Variants in KLRG1 observed in about 807,000 individuals in gnomAD.
KLRG1 encodes killer cell lectin like receptor G1, also known as killer cell lectin-like receptor subfamily G member 1.
KLRG1 carries 16 observed loss-of-function variants against 21.8 expected under a neutral mutation model. That is an observed-to-expected ratio of 0.73 (90% confidence interval 0.50 to 1.11). KLRG1 has a LOEUF of 1.11. KLRG1 is among the 50% of genes most tolerant of loss of function. The probability of loss-of-function intolerance (pLI) is 0.00; values close to 1 mark genes in which losing one functional copy is unlikely to be tolerated. For synonymous variants in KLRG1, 69 were observed against 75.9 expected (o/e 0.91, Z 0.47); for missense variants, 173 against 218.3 (o/e 0.79, Z 1.31).
the KLRG1 span, among the ~76,000 whole-genome samples, chr12:9,209,181 C>A: frequency 2.0e-5 from 3 of 152,086 alleles, no homozygotes; most frequent in Non-Finnish European, 4.4e-5. Context: ...TATAAACCAC[C>A]AGCAGATTTA....
the KLRG1 span, among the ~76,000 whole-genome samples, chr12:9,081,125 A>G: frequency 1.3e-5 from 2 of 152,222 alleles, no homozygotes; most frequent in African/African-American, 2.4e-5. Flanking sequence ...TATCTGCAAC[A>G]TATTCAACAG....
At chr12:9,009,337 G>T in intron 4 of KLRG1, 89 bp from the exon 5 acceptor site, 1 of 1,522,428 alleles carries the variant, frequency 6.6e-7, no homozygotes, top group African/African-American at 1.4e-5. Context: ...TAGGGAGACA[G>T]AATTTGCTTC....
the KLRG1 span, among the ~76,000 whole-genome samples, chr12:9,145,104 G>T: frequency 1.3e-5 from 2 of 152,218 alleles, no homozygotes; most frequent in East Asian, 1.9e-4. Context: ...ATATATTTGG[G>T]TCTGTTTTTT....
the KLRG1 span, chr12:9,090,224 G>T: frequency 1.4e-6 from 2 of 1,454,622 alleles, no homozygotes; most frequent in Non-Finnish European, 1.9e-6. Flanking sequence ...AGGCATCTTA[G>T]AATAAAAGGC....
chr12:9,027,491 T>C, the KLRG1 span: 3 of 1,004,306 alleles, frequency 3.0e-6, no homozygotes, highest in East Asian at 8.1e-5. Context: ...CTGCCACTTC[T>C]CTGGCTCTCT....
intron 2 of KLRG1, among the ~76,000 whole-genome samples, chr12:8,993,959 G>A (rs1244310440): frequency 6.6e-6 from 1 of 152,174 alleles, no homozygotes; most frequent in East Asian, 1.9e-4. Flanking sequence ...TGCTTATGGC[G>A]AGTTTATGCA....
the KLRG1 span, among the ~76,000 whole-genome samples, chr12:9,088,686 A>G: frequency 3.7e-4 from 56 of 152,154 alleles, no homozygotes; most frequent in Admixed American, 3.7e-3. Flanking sequence ...AAGTTTCTTC[A>G]GTTCCTTCTC....
chr12:9,067,793 C>T, the KLRG1 span: 4 of 1,611,264 alleles, frequency 2.5e-6, no homozygotes, highest in Non-Finnish European at 3.4e-6. Flanking sequence ...GAACAGGACT[C>T]CAGCAAAGCA....
At chr12:9,071,877 G>GT in the KLRG1 span, among the ~76,000 whole-genome samples, 149 of 152,254 alleles carry the variant, frequency 9.8e-4, no homozygotes, top group East Asian at 4.6e-3. Context: ...TGGAGAGAGA[G>GT]TTTTTTATCA....
the KLRG1 span, among the ~76,000 whole-genome samples, chr12:9,132,517 T>G: frequency 6.6e-6 from 1 of 151,964 alleles, no homozygotes; most frequent in Non-Finnish European, 1.5e-5. Context: ...GATAATGAAG[T>G]GAGTTAGGCA....
the KLRG1 span, chr12:9,162,709 A>C: frequency 7.7e-7 from 1 of 1,297,634 alleles, no homozygotes; most frequent in Non-Finnish European, 1.1e-6. Flanking sequence ...AGAGAACCAC[A>C]TGGATTCCTT....
At chr12:9,098,812 T>C in the KLRG1 span, 1 of 1,580,644 alleles carries the variant, frequency 6.3e-7, no homozygotes, top group Non-Finnish European at 8.6e-7. Context: ...ACCCATGCAT[T>C]CACTCGCATT....
intron 1 of KLRG1, among the ~76,000 whole-genome samples, chr12:8,974,971 C>T (rs138175572): frequency 0.018 from 2,714 of 152,064 alleles, 76 homozygotes; most frequent in African/African-American, 0.061. Flanking sequence ...TCTAGGCTCA[C>T]TGCAACCTCT....
At chr12:9,192,640 C>G in the KLRG1 span, 1 of 1,614,108 alleles carries the variant, frequency 6.2e-7, no homozygotes, top group Non-Finnish European at 8.5e-7. Context: ...ATGTAACTTC[C>G]ACTTAAGGAG....
At chr12:9,124,527 G>A in the KLRG1 span, among the ~76,000 whole-genome samples, 1 of 152,244 alleles carries the variant, frequency 6.6e-6, no homozygotes, top group Non-Finnish European at 1.5e-5. Context: ...CTGCTCCACT[G>A]AGCCAGAGAG....
the KLRG1 span, among the ~76,000 whole-genome samples, chr12:9,109,154 A>G: frequency 1.3e-5 from 2 of 152,216 alleles, no homozygotes; most frequent in African/African-American, 2.4e-5. Context: ...GAAAGAAAAT[A>G]AAAATAGAAA....
the KLRG1 span, chr12:9,115,812 A>G: frequency 6.2e-7 from 1 of 1,613,566 alleles, no homozygotes. Flanking sequence ...CAAGAGGAGA[A>G]GAACCAGACT....
chr12:9,154,896 T>C, the KLRG1 span: 1 of 1,476,146 alleles, frequency 6.8e-7, no homozygotes, highest in Admixed American at 1.9e-5. Context: ...TTATAACTGG[T>C]AGATAAGAGA....
the KLRG1 span, chr12:9,208,295 A>G: frequency 4.3e-6 from 7 of 1,613,678 alleles, no homozygotes; most frequent in African/African-American, 6.7e-5. Flanking sequence ...AGAAAGCAGG[A>G]TAAGAAGTAG....
Sources: gnomAD v4.1 joint callset for allele counts (sites outside exome capture counted in the v4.1 genomes callset) on GRCh38, gnomAD v4.1.1 for gene constraint, MANE v1.5 for transcripts, NCBI Gene and HGNC (gene_info 2026-07-23, HGNC 2026-07-21) for gene names.